The following NBAS variants were observed in gnomAD, a reference collection of about 807,000 sequenced individuals.
NBAS encodes NBAS subunit of NRZ tethering complex, also known as NAG/BC035112 fusion.
A neutral mutation model predicts 302.5 loss-of-function variants in NBAS; 219 were observed. The ratio of observed to expected loss-of-function variants is 0.72; its 90% CI spans 0.65 to 0.81. The LOEUF (loss-of-function observed/expected upper bound fraction) is 0.81, where lower values mean the gene tolerates loss of function less well. NBAS is among the 30% of genes least tolerant of loss of function. The pLI is 0.00. For synonymous variants in NBAS, 1,118 were observed against 1,021.6 expected, an observed-to-expected ratio of 1.09 and a Z score of -1.80; for missense variants, 2,932 against 2,841.6, an observed-to-expected ratio of 1.03 and a Z score of -0.72.
chr2:15,194,306 G>A (rs1402212959), intron 48 of NBAS, among the ~76,000 whole-genome samples: 2 of 152,074 alleles, frequency 1.3e-5, no homozygotes, highest in Non-Finnish European at 2.9e-5. Flanking sequence ...AATTTTGAAA[G>A]CAGACAGAAC....
At chr2:14,805,864 C>CAGAA in the NBAS span, among the ~76,000 whole-genome samples, 364 of 152,252 alleles carry the variant, frequency 2.4e-3, no homozygotes, top group African/African-American at 8.0e-3. Flanking sequence ...TTCATATTTG[C>CAGAA]AGAGTCTGTC....
At chr2:15,472,640 C>T (rs867712511) in intron 16 of NBAS, among the ~76,000 whole-genome samples, 1 of 152,126 alleles carries the variant, frequency 6.6e-6, no homozygotes, top group African/African-American at 2.4e-5. Context: ...GACTGCCAAC[C>T]TTGGCAACCG....
the NBAS span, among the ~76,000 whole-genome samples, chr2:15,001,910 A>G: frequency 1.3e-5 from 2 of 152,150 alleles, no homozygotes; most frequent in Admixed American, 6.5e-5. Context: ...AAGCTTCCAC[A>G]GTGTGGAAGG....
the NBAS span, among the ~76,000 whole-genome samples, chr2:15,053,555 T>A: frequency 6.6e-6 from 1 of 152,030 alleles, no homozygotes; most frequent in African/African-American, 2.4e-5. Context: ...AACCCCAAAT[T>A]GACACAGTCT....
chr2:14,876,649 G>T, the NBAS span, among the ~76,000 whole-genome samples: 2 of 152,356 alleles, frequency 1.3e-5, no homozygotes, highest in East Asian at 3.9e-4. Flanking sequence ...AACTAGCTCA[G>T]CCAGAAGACT....
chr2:15,066,821 A>T, the NBAS span, among the ~76,000 whole-genome samples: 1 of 152,206 alleles, frequency 6.6e-6, no homozygotes, highest in Non-Finnish European at 1.5e-5. Flanking sequence ...TAATAATAGA[A>T]CTACCATATG....
At chr2:15,522,301 G>T (rs1662709875) in intron 9 of NBAS, among the ~76,000 whole-genome samples, 1 of 152,160 alleles carries the variant, frequency 6.6e-6, no homozygotes, top group Admixed American at 6.6e-5. Context: ...TACTAAAGAA[G>T]AAGAATCAAT....
chr2:15,510,468 A>C (rs766555968), intron 10 of NBAS, among the ~76,000 whole-genome samples: 4 of 152,154 alleles, frequency 2.6e-5, no homozygotes, highest in Admixed American at 6.5e-5. Flanking sequence ...TTTAATCATC[A>C]CTTAAAACAA....
Position 15,356,418 on chromosome 2 carries a change from TG to T in NBAS, c.3818-3del. On this transcript the variant is annotated splice_region_variant and splice_polypyrimidine_tract_variant and intron_variant, in intron 32 of 51. Transcript: ENST00000281513. ...CCCGCCTTTCTTCTGGGTTCTCACC[TG>T]TAAGTCCAAGCAAAGGACTTAATGA... is the stretch of plus-strand genomic sequence containing the variant. 6.2e-7 allele frequency: 1 copy of T among 1,609,676 alleles called. No individual in the cohort carries two copies. The highest frequency in any genetic ancestry group is 8.5e-7 in the Non-Finnish European group (1 of 1,176,028).
the NBAS span, among the ~76,000 whole-genome samples, chr2:14,989,334 T>C: frequency 2.0e-4 from 31 of 151,264 alleles, no homozygotes; most frequent in African/African-American, 7.5e-4. Context: ...ACTTTATATA[T>C]ATATCTTGAG....
chr2:14,810,351 C>A, the NBAS span, among the ~76,000 whole-genome samples: 2 of 152,152 alleles, frequency 1.3e-5, no homozygotes, highest in African/African-American at 4.8e-5. Flanking sequence ...GGGGGCAGGT[C>A]TTTCCCATGC....
chr2:15,422,623 T>C (rs1420852883), intron 23 of NBAS, among the ~76,000 whole-genome samples: 1 of 151,884 alleles, frequency 6.6e-6, no homozygotes, highest in Non-Finnish European at 1.5e-5. Flanking sequence ...TGAAACTGAA[T>C]AATGTTTGAA....
the NBAS span, among the ~76,000 whole-genome samples, chr2:14,964,423 T>A: frequency 6.6e-6 from 1 of 152,152 alleles, no homozygotes; most frequent in Admixed American, 6.5e-5. Flanking sequence ...GAAACTGGAA[T>A]GGCATAGCAG....
At chr2:15,488,081 T>C (rs1680708145) in intron 12 of NBAS, among the ~76,000 whole-genome samples, 1 of 152,168 alleles carries the variant, frequency 6.6e-6, no homozygotes, top group South Asian at 2.1e-4. Context: ...CATTGATCCA[T>C]TCAGGTCATT....
chr2:15,221,453 A>G (rs977107296), intron 47 of NBAS, among the ~76,000 whole-genome samples: 8 of 152,218 alleles, frequency 5.3e-5, no homozygotes, highest in Non-Finnish European at 1.2e-4. Context: ...CAGCATCATC[A>G]AAGCACTATA....
At chr2:15,148,285 A>G in the NBAS span, among the ~76,000 whole-genome samples, 1 of 152,194 alleles carries the variant, frequency 6.6e-6, no homozygotes, top group East Asian at 1.9e-4. Context: ...AGTCAGACCC[A>G]GGCCCTGCCA....
At chr2:14,857,697 A>G in the NBAS span, among the ~76,000 whole-genome samples, 1 of 152,194 alleles carries the variant, frequency 6.6e-6, no homozygotes, top group Non-Finnish European at 1.5e-5. Context: ...ACTCAAACCT[A>G]AGACCTCAAA....
chr2:15,289,044 T>C (rs1375196623), intron 41 of NBAS, among the ~76,000 whole-genome samples: 1 of 152,168 alleles, frequency 6.6e-6, no homozygotes, highest in Non-Finnish European at 1.5e-5. Flanking sequence ...ACCCATGGAT[T>C]AGGTCATTGT....
chr2:15,383,150 T>G lies in NBAS; in HGVS notation c.3360+65A>C. ...GTAGCTTATGGTCATCAATCTTGTATCCAATAAACCATAACAATTAAAATT... is the reference window on the plus strand; with the variant it reads ...GTAGCTTATGGTCATCAATCTTGTAGCCAATAAACCATAACAATTAAAATT... On this transcript the variant is annotated intron_variant, in intron 29 of 51. Coordinates refer to ENST00000281513, the MANE Select transcript of NBAS (RefSeq NM_015909.4). 4 of 1,340,888 alleles carry G rather than the reference T, an allele frequency of 3.0e-6. No individual in the cohort carries two copies. In the South Asian group the frequency reaches 4.9e-5, roughly 16 times the overall value. The allele number at this position is 1,340,888 out of a possible 1,614,324, so 83.1% of individuals were successfully genotyped here. A position where few individuals can be genotyped will look rare whatever the true frequency, so the allele number is the denominator to read the frequency against.
Sources: gnomAD v4.1 joint callset for allele counts (sites outside exome capture counted in the v4.1 genomes callset) on GRCh38, gnomAD v4.1.1 for gene constraint, MANE v1.5 for transcripts, NCBI Gene and HGNC (gene_info 2026-07-23, HGNC 2026-07-21) for gene names.